The following HEMK1 variants were observed in gnomAD, a reference collection of about 807,000 sequenced individuals.
HEMK1 encodes the protein MTRF1L release factor glutamine methyltransferase.
In HEMK1, 36 loss-of-function variants were observed where a neutral mutation model predicts 47.9. That is an observed-to-expected ratio of 0.75 (90% CI 0.58 to 0.99). HEMK1 has a LOEUF of 0.99. HEMK1 is among the 50% of genes least tolerant of loss of function. The pLI, the probability that HEMK1 is intolerant of heterozygous loss-of-function variation, is 0.00. For missense variants in HEMK1, 383 were observed against 434.5 expected, an observed-to-expected ratio of 0.88 and a Z score of 1.05; for synonymous variants, 153 against 165.4, an observed-to-expected ratio of 0.93 and a Z score of 0.57.
In HEMK1 at chr3:50,583,375, A is replaced by G. The variant is rs1057144408; in HGVS notation, c.*2958A>G. 1 of 152,106 alleles carries G rather than the reference A, an allele frequency of 6.6e-6. No homozygotes were observed. Among genetic ancestry groups the G allele is most frequent in the Admixed American group, 6.5e-5 (1 of 15,278 alleles). The allele number at this position is 152,106 out of a possible 1,614,324, so 9.4% of individuals were successfully genotyped here. A position where few individuals can be genotyped will look rare whatever the true frequency, so the allele number is the denominator to read the frequency against. The stretch of plus-strand genomic sequence containing the variant: ...GCTGCTCCCAATCCTTGCCCCAAAC[A>G]CTTAGCTGGCTCCCCATGACTTAAG... On this transcript the variant is annotated 3_prime_UTR_variant, in exon 11 of 11. Coordinates refer to ENST00000232854, the MANE Select transcript of HEMK1 (RefSeq NM_016173.5).
At position 50,571,800 on chromosome 3, in the gene HEMK1, AG is replaced by A; in HGVS notation, c.320+1del. 3 of 1,613,700 alleles carry A rather than the reference AG, an allele frequency of 1.9e-6. No homozygotes were observed. The highest frequency in any genetic ancestry group is 2.5e-6 in the Non-Finnish European group (3 of 1,179,620). ...GGAGCTGAGTAGCCGTCGATTGCAG[AG>A]GTGAGCACCCATGGATCAGACCTGA... The part of the protein sequence containing the change: ...IRELSSRRLQ[R>X]MPVQYILGEW... On this transcript the variant is annotated frameshift_variant and splice_region_variant, in exon 3 of 11. Transcript: ENST00000232854. LOFTEE classifies it high-confidence loss of function.
rs925361002 is a variant in HEMK1 at position 50,594,101 on chromosome 3, A to G, written c.*13684A>G. On this transcript the variant is annotated 3_prime_UTR_variant, in exon 11 of 11. Transcript: ENST00000232854. ...TAGCTTGGCTGAGACCTTCAATACAATATTGAAAAACTGTAACGACTAGAG... is the reference window on the plus strand; with the variant it reads ...TAGCTTGGCTGAGACCTTCAATACAGTATTGAAAAACTGTAACGACTAGAG... 3.3e-5 allele frequency: 5 copies of G among 152,278 alleles called. No homozygotes were observed. Among genetic ancestry groups the G allele is most frequent in the Middle Eastern group, 3.4e-3 (1 of 294 alleles). The allele number at this position is 152,278 out of a possible 1,614,324, so 9.4% of individuals were successfully genotyped here. A position where few individuals can be genotyped will look rare whatever the true frequency, so the allele number is the denominator to read the frequency against.
rs1189993427 is a variant in HEMK1, at chr3:50,580,146, C to A, written c.897C>A (p.His299Gln). ...TCTTCTTAGAAGTGGACCCAAGGCA[C>A]CCGGAGCTTGTCAGCAGCTGGCTTC... Reference protein sequence around the residue: ...GSIFLEVDPRHPELVSSWLQS... With the variant: ...GSIFLEVDPRQPELVSSWLQS... The change falls in exon 10 of 11, where the codon CAC becomes CAA. Residue 299 changes from histidine to glutamine, a missense_variant. Transcript: ENST00000232854. 1 of 1,614,154 alleles carries A rather than the reference C, an allele frequency of 6.2e-7. No individual in the cohort carries two copies. The highest frequency in any genetic ancestry group is 8.5e-7 in the Non-Finnish European group (1 of 1,179,994).
chr3:50,575,754 G>A (rs1221276214), intron 4 of HEMK1, among the ~76,000 whole-genome samples: 1 of 152,184 alleles, frequency 6.6e-6, no homozygotes, highest in Non-Finnish European at 1.5e-5. Context: ...CTGACCCTCT[G>A]GGGGGCTTCT....
Position 50,577,109 on chromosome 3 carries a change from C to T in HEMK1, c.472C>T (p.Pro158Ser). The change falls in exon 5 of 11, where the codon CCA becomes TCA. Residue 158 changes from proline (P) to serine (S), a missense_variant. Physicochemically the swap from Pro to Ser is moderately conservative, Grantham distance 74. Coordinates refer to ENST00000232854, the MANE Select transcript of HEMK1 (RefSeq NM_016173.5). ...VAQRSHAVGS[P>S]GSPLILEVGC... ...CCAGAGGTCCCATGCTGTGGGATCC[C>T]CAGGCAGCCCCCTCATTCTGGAGGT... The T allele has an allele frequency of 6.2e-7, 1 of 1,613,838 alleles. No individual in the cohort carries two copies. Among genetic ancestry groups the T allele is most frequent in the Admixed American group, 1.7e-5 (1 of 59,964 alleles).
chr3:50,576,721 T>C (rs1307909405), intron 4 of HEMK1, among the ~76,000 whole-genome samples: 2 of 152,232 alleles, frequency 1.3e-5, no homozygotes, highest in Non-Finnish European at 2.9e-5. Context: ...TTCTTAGCAT[T>C]TCTGTAAGCA....
At chr3:50,575,036 T>C (rs573614935) in intron 4 of HEMK1, among the ~76,000 whole-genome samples, 1 of 152,080 alleles carries the variant, frequency 6.6e-6, no homozygotes, top group African/African-American at 2.4e-5. Flanking sequence ...CTCTGCTCCA[T>C]TGGGCCTGGC....
intron 4 of HEMK1, 109 bp downstream of exon 4, chr3:50,572,317 A>G: frequency 8.8e-7 from 1 of 1,135,500 alleles, no homozygotes; most frequent in Admixed American, 2.1e-5. Context: ...GACTTCAGGG[A>G]CAGTGCCTTT....
chr3:50,575,026 C>T (rs2107447627), intron 4 of HEMK1, among the ~76,000 whole-genome samples: 1 of 152,244 alleles, frequency 6.6e-6, no homozygotes, highest in South Asian at 2.1e-4. Flanking sequence ...ATCTGGAGCC[C>T]TCTGCTCCAT....
In HEMK1 at chr3:50,584,328, C is replaced by A. The variant is rs998481033; in HGVS notation, c.*3911C>A. 6.6e-6 allele frequency: 1 copy of A among 152,404 alleles called. No homozygotes were observed. Among genetic ancestry groups the A allele is most frequent in the African/African-American group, 2.4e-5 (1 of 41,486 alleles). 9.4% of individuals were successfully genotyped at this position (152,404 alleles called of 1,614,324 possible). A position where few individuals can be genotyped will look rare whatever the true frequency, so the allele number is the denominator to read the frequency against. On this transcript the variant is annotated 3_prime_UTR_variant, in exon 11 of 11. Coordinates refer to ENST00000232854, the MANE Select transcript of HEMK1 (RefSeq NM_016173.5). ...TGGGACTGTCAAAGCAACTCTACCCCTGCTCTGGTAGGCTGAACAGTGACC... is the reference window on the plus strand; with the variant it reads ...TGGGACTGTCAAAGCAACTCTACCCATGCTCTGGTAGGCTGAACAGTGACC...
In HEMK1 at chr3:50,580,549, G is replaced by C; in HGVS notation, c.*132G>C. 1.1e-6 allele frequency: 1 copy of C among 938,982 alleles called. No homozygotes were observed. 58.2% of individuals were successfully genotyped at this position (938,982 alleles called of 1,614,324 possible). ...GATTTCCCCATGCTCTGCATTTCTA[G>C]GATATTTCTAGGACACCTGGATTGG... On this transcript the variant is annotated 3_prime_UTR_variant, in exon 11 of 11. Coordinates refer to ENST00000232854, the MANE Select transcript of HEMK1 (RefSeq NM_016173.5).
intron 7 of HEMK1, 70 bp from the exon 8 acceptor site, chr3:50,578,751 C>T: frequency 6.0e-6 from 6 of 992,468 alleles, no homozygotes; most frequent in Non-Finnish European, 9.3e-6. Context: ...GACATGGTGG[C>T]AGGTGGAGCT....
At chr3:50,578,642 C>T (rs941060760) in intron 7 of HEMK1, among the ~76,000 whole-genome samples, 179 bp from the exon 8 acceptor site, 1 of 152,250 alleles carries the variant, frequency 6.6e-6, no homozygotes, top group African/African-American at 2.4e-5. Context: ...AAAGCATGCA[C>T]ATTCCCCACC....
In HEMK1 at chr3:50,585,010, T is replaced by C. The variant is rs767384174; in HGVS notation, c.*4593T>C. 7.2e-5 allele frequency: 11 copies of C among 152,178 alleles called. No individual in the cohort carries two copies. Among genetic ancestry groups the C allele is most frequent in the African/African-American group, 2.7e-4 (11 of 41,438 alleles). 9.4% of individuals were successfully genotyped at this position (152,178 alleles called of 1,614,324 possible). A position where few individuals can be genotyped will look rare whatever the true frequency, so the allele number is the denominator to read the frequency against. ...ACCTAAACTGCCCAGGCCCCCCCTT[T>C]TTTTACTCATATTTGGAGAGAGGTG... is the stretch of plus-strand genomic sequence containing the variant. On this transcript the variant is annotated 3_prime_UTR_variant, in exon 11 of 11. Coordinates refer to ENST00000232854, the MANE Select transcript of HEMK1 (RefSeq NM_016173.5).
rs1024621499 is a variant in HEMK1, at chr3:50,580,662, TGA to T, written c.*250_*251del. On this transcript the variant is annotated 3_prime_UTR_variant, in exon 11 of 11. Transcript: ENST00000232854. ...TCGGGGGATATGGCCAGTAAAGTAT[TGA>T]GAGACTAACAAATGGTGACCTAATG... 1.0e-5 allele frequency: 6 copies of T among 576,824 alleles called. No homozygotes were observed. Among genetic ancestry groups the T allele is most frequent in the East Asian group, 8.7e-5 (3 of 34,450 alleles). The allele number at this position is 576,824 out of a possible 1,614,324, so 35.7% of individuals were successfully genotyped here. A position where few individuals can be genotyped will look rare whatever the true frequency, so the allele number is the denominator to read the frequency against.
chr3:50,575,429 AAAAAG>A (rs1413513718), intron 4 of HEMK1, among the ~76,000 whole-genome samples: 6 of 152,046 alleles, frequency 3.9e-5, no homozygotes, highest in African/African-American at 1.4e-4. Flanking sequence ...TCTCAAAAAA[AAAAAG>A]AAAAGAAAAG....
chr3:50,573,420 C>T (rs1701239897), intron 4 of HEMK1, among the ~76,000 whole-genome samples: 1 of 152,226 alleles, frequency 6.6e-6, no homozygotes, highest in Non-Finnish European at 1.5e-5. Flanking sequence ...CATTTGCTGT[C>T]TCCGGCTTCC....
Position 50,578,807 on chromosome 3 carries a change from T to C in HEMK1, c.665-14T>C. On this transcript the variant is annotated splice_polypyrimidine_tract_variant and intron_variant, in intron 7 of 10. Coordinates refer to ENST00000232854, the MANE Select transcript of HEMK1 (RefSeq NM_016173.5). ...GGGTTAGTCCCTACTGTGTGTCCTC[T>C]TCTTTGACGACAGAAAGGAGCTGGA... 2 of 1,589,038 alleles carry C rather than the reference T, an allele frequency of 1.3e-6. No homozygotes were observed. Among genetic ancestry groups the C allele is most frequent in the African/African-American group, 1.3e-5 (1 of 74,576 alleles).
At chr3:50,579,218 G>A (rs1335012208) in intron 8 of HEMK1, among the ~76,000 whole-genome samples, 3 of 152,170 alleles carry the variant, frequency 2.0e-5, no homozygotes, top group Non-Finnish European at 2.9e-5. Flanking sequence ...ACTCAGTGAC[G>A]ACTTGAAAGC....
Sources: allele counts gnomAD v4.1 joint callset (sites outside exome capture counted in the v4.1 genomes callset), GRCh38; gene constraint gnomAD v4.1.1; transcripts MANE v1.5; gene names NCBI Gene and HGNC (gene_info 2026-07-23, HGNC 2026-07-21).